ATRNL1: variants seen among roughly 807,000 people sequenced by gnomAD.
ATRNL1 encodes the protein attractin like 1.
A neutral mutation model predicts 182.7 loss-of-function variants in ATRNL1; 95 were observed. The ratio of observed to expected loss-of-function variants is 0.52; its 90% CI spans 0.44 to 0.62. ATRNL1 has a LOEUF of 0.62. ATRNL1 is among the 20% of genes least tolerant of loss of function. ATRNL1 has a pLI of 0.00. For synonymous variants in ATRNL1, 576 were observed against 568.3 expected, an observed-to-expected ratio of 1.01 and a Z score of -0.19; for missense variants, 1,471 against 1,679.5, an observed-to-expected ratio of 0.88 and a Z score of 2.17.
chr10:115,770,380 G>A (rs558268430), intron 27 of ATRNL1, among the ~76,000 whole-genome samples: 88 of 152,186 alleles, frequency 5.8e-4, no homozygotes, highest in African/African-American at 2.1e-3. Flanking sequence ...AATGTAATCA[G>A]TGATACAGAA....
chr10:115,803,231 T>G (rs937849511), intron 27 of ATRNL1, among the ~76,000 whole-genome samples: 2 of 151,004 alleles, frequency 1.3e-5, no homozygotes, highest in Admixed American at 6.7e-5. Context: ...CCTAGTATAC[T>G]TACCTAAATT....
intron 24 of ATRNL1, among the ~76,000 whole-genome samples, chr10:115,503,754 G>T (rs1463429264): frequency 1.3e-5 from 2 of 151,638 alleles, no homozygotes; most frequent in Non-Finnish European, 2.9e-5. Flanking sequence ...TGACATGCTT[G>T]GACTTTCTGG....
intron 25 of ATRNL1, among the ~76,000 whole-genome samples, chr10:115,534,408 C>T: frequency 6.6e-6 from 1 of 152,182 alleles, no homozygotes; most frequent in Middle Eastern, 3.2e-3. Flanking sequence ...TCTGTTTTAT[C>T]AGAGACTAGG....
intron 9 of ATRNL1, among the ~76,000 whole-genome samples, chr10:115,223,360 T>G (rs1849544872): frequency 2.0e-5 from 3 of 152,152 alleles, no homozygotes; most frequent in Non-Finnish European, 2.9e-5. Flanking sequence ...GGATTGGATA[T>G]AAAAACAAAA....
At chr10:115,120,377 T>C in intron 2 of ATRNL1, 109 bp downstream of exon 2, 1 of 538,990 alleles carries the variant, frequency 1.9e-6, no homozygotes, top group South Asian at 3.7e-5. Flanking sequence ...TTAGTTTGTT[T>C]ATTATTAGAT....
intron 26 of ATRNL1, among the ~76,000 whole-genome samples, chr10:115,719,712 G>A (rs782306551): frequency 1.3e-5 from 2 of 151,374 alleles, no homozygotes; most frequent in South Asian, 2.1e-4. Context: ...TCATCCCCCC[G>A]CCACCAAAAA....
intron 8 of ATRNL1, among the ~76,000 whole-genome samples, chr10:115,206,599 T>G (rs951946504): frequency 3.2e-4 from 49 of 152,126 alleles, no homozygotes; most frequent in African/African-American, 9.4e-4. Context: ...TTTAGAGAGA[T>G]AAAAATGATA....
At chr10:115,621,276 T>TATATAGAGAGAGAGAGAGAGAGAG (rs1268020830) in intron 26 of ATRNL1, among the ~76,000 whole-genome samples, 1 of 47,578 alleles carries the variant, frequency 2.1e-5, no homozygotes, top group Non-Finnish European at 4.2e-5. Context: ...TATATATATA[T>TATATAGAGAGAGAGAGAGAGAGAG]AGAGAGAGAG....
intron 28 of ATRNL1, among the ~76,000 whole-genome samples, chr10:115,858,518 A>AACATACAC (rs1951238143): frequency 6.6e-6 from 1 of 152,202 alleles, no homozygotes; most frequent in African/African-American, 2.4e-5. Flanking sequence ...TGAGGGGAAC[A>AACATACAC]ACATACACTG....
At position 115,730,349 on chromosome 10, in the gene ATRNL1, C is replaced by A. The variant is rs1419595916; in HGVS notation, c.3903+2994C>A. Among the ~76,000 whole-genome samples the A allele has an allele frequency of 3.4e-5, 5 of 147,104 alleles. 1 individual carries two copies. Among genetic ancestry groups the A allele is most frequent in the African/African-American group, 1.2e-4 (5 of 40,176 alleles). On this transcript the variant is annotated intron_variant, in intron 27 of 28. Coordinates refer to ENST00000355044, the MANE Select transcript of ATRNL1 (RefSeq NM_207303.4). ...CCTAAATGCCTACCAATATGTTTTT[C>A]TCACATGTACAAAACAGTTTAATTG...
At chr10:115,353,205 C>T (rs1308472563) in intron 19 of ATRNL1, among the ~76,000 whole-genome samples, 1 of 152,098 alleles carries the variant, frequency 6.6e-6, no homozygotes, top group Non-Finnish European at 1.5e-5. Flanking sequence ...CTGTCTTTCT[C>T]TTTAGGTCTA....
intron 26 of ATRNL1, among the ~76,000 whole-genome samples, chr10:115,598,339 T>C (rs1161188420): frequency 7.0e-6 from 1 of 143,754 alleles, no homozygotes; most frequent in African/African-American, 2.6e-5. Context: ...TTACATTATT[T>C]ATTTAAAAAA....
chr10:115,324,848 C>T (rs1191659468), intron 18 of ATRNL1, among the ~76,000 whole-genome samples: 4 of 152,032 alleles, frequency 2.6e-5, no homozygotes, highest in Non-Finnish European at 5.9e-5. Flanking sequence ...AGTTCTTATT[C>T]GTCTATTCCA....
At chr10:115,943,395 A>C (rs1435069850) in intron 28 of ATRNL1, among the ~76,000 whole-genome samples, 2 of 152,240 alleles carry the variant, frequency 1.3e-5, no homozygotes, top group Admixed American at 1.3e-4. Context: ...GAAGGTATAC[A>C]TGTGGCAAAG....
intron 15 of ATRNL1, among the ~76,000 whole-genome samples, chr10:115,288,140 C>T (rs1852718664): frequency 6.6e-6 from 1 of 151,858 alleles, no homozygotes; most frequent in Admixed American, 6.6e-5. Flanking sequence ...TGTTGGAAAC[C>T]CAGGTTGGTT....
chr10:115,179,007 G>C (rs530784998), intron 8 of ATRNL1, among the ~76,000 whole-genome samples: 55 of 151,962 alleles, frequency 3.6e-4, no homozygotes, highest in African/African-American at 1.3e-3. Flanking sequence ...ATACTTTCTA[G>C]TAAAGGGCCA....
intron 27 of ATRNL1, among the ~76,000 whole-genome samples, chr10:115,758,441 G>T (rs1593177265): frequency 1.3e-5 from 2 of 152,136 alleles, no homozygotes; most frequent in African/African-American, 4.8e-5. Flanking sequence ...CTTTGCCTGG[G>T]TATCACCAGT....
At chr10:115,347,820 ATG>A in intron 19 of ATRNL1, among the ~76,000 whole-genome samples, 1 of 152,182 alleles carries the variant, frequency 6.6e-6, no homozygotes, top group African/African-American at 2.4e-5. Context: ...TAAAATATTT[ATG>A]TGTGTATATG....
chr10:115,220,163 T>G (rs1554897130), intron 9 of ATRNL1, among the ~76,000 whole-genome samples: 1 of 152,176 alleles, frequency 6.6e-6, no homozygotes, highest in Non-Finnish European at 1.5e-5. Flanking sequence ...CAGTCTCTCC[T>G]AAAAGACTAC....
Sources: allele counts gnomAD v4.1 joint callset (sites outside exome capture counted in the v4.1 genomes callset), GRCh38; gene constraint gnomAD v4.1.1; transcripts MANE v1.5; gene names NCBI Gene and HGNC (gene_info 2026-07-23, HGNC 2026-07-21).